LEKR1: variants seen among roughly 807,000 people sequenced by gnomAD.
LEKR1 encodes the protein protein LEKR1.
Under a neutral mutation model 72.4 loss-of-function variants are expected in LEKR1, and 59 were observed. That is an observed-to-expected ratio of 0.82 (90% CI 0.66 to 1.01). The LOEUF is 1.01. Among genes scored for constraint, LEKR1 ranks in the 50% least tolerant of loss-of-function variants. The pLI is 0.00. For synonymous variants in LEKR1, 257 were observed against 263.2 expected (o/e 0.98, Z 0.23); for missense variants, 728 against 759.2 (o/e 0.96, Z 0.48).
At chr3:156,839,210 T>C (rs985589426) in intron 2 of LEKR1, among the ~76,000 whole-genome samples, 5 of 152,240 alleles carry the variant, frequency 3.3e-5, no homozygotes, top group African/African-American at 1.2e-4. Context: ...GGTGTTAGTC[T>C]TTTGGTTGTA....
At chr3:156,899,316 G>GTATATA (rs200330349) in intron 3 of LEKR1, among the ~76,000 whole-genome samples, 1 of 124,882 alleles carries the variant, frequency 8.0e-6, no homozygotes, top group African/African-American at 3.0e-5. Flanking sequence ...ATACACACAT[G>GTATATA]TATATATACA....
At chr3:157,012,820 C>T (rs1173941823) in intron 10 of LEKR1, among the ~76,000 whole-genome samples, 1 of 152,086 alleles carries the variant, frequency 6.6e-6, no homozygotes, top group Non-Finnish European at 1.5e-5. Context: ...CAGCTTCTTT[C>T]ATTCTTTCTC....
chr3:156,936,848 G>A (rs139184274), intron 5 of LEKR1, among the ~76,000 whole-genome samples: 11 of 152,176 alleles, frequency 7.2e-5, no homozygotes, highest in African/African-American at 2.2e-4. Flanking sequence ...TGGATTAACC[G>A]CAGACTTAAA....
At chr3:156,933,396 G>C (rs1725425812) in intron 5 of LEKR1, among the ~76,000 whole-genome samples, 1 of 152,038 alleles carries the variant, frequency 6.6e-6, no homozygotes, top group South Asian at 2.1e-4. Context: ...TTTCCAAAGT[G>C]GTTGTTCCTT....
intron 6 of LEKR1, among the ~76,000 whole-genome samples, chr3:156,977,099 C>T (rs1277390297): frequency 6.6e-6 from 1 of 152,202 alleles, no homozygotes; most frequent in East Asian, 1.9e-4. Flanking sequence ...AGCATGCCTT[C>T]TTCCAGCCCA....
At chr3:156,933,026 T>C (rs529580997) in intron 5 of LEKR1, among the ~76,000 whole-genome samples, 2 of 152,150 alleles carry the variant, frequency 1.3e-5, no homozygotes, top group South Asian at 4.2e-4. Context: ...TGAGACTCCG[T>C]CTCAAACAAA....
chr3:156,873,616 T>C (rs1391579011), intron 3 of LEKR1, among the ~76,000 whole-genome samples: 2 of 152,028 alleles, frequency 1.3e-5, no homozygotes, highest in African/African-American at 2.4e-5. Context: ...GTTTTCATGG[T>C]GGTATTTATT....
chr3:156,923,358 C>G (rs1252651835), intron 4 of LEKR1, among the ~76,000 whole-genome samples: 2 of 152,170 alleles, frequency 1.3e-5, no homozygotes, highest in Non-Finnish European at 2.9e-5. Context: ...CTTCAGCTCA[C>G]CAGGCAACTA....
At chr3:156,850,235 TATAAG>T (rs1715186961) in intron 2 of LEKR1, among the ~76,000 whole-genome samples, 1 of 151,316 alleles carries the variant, frequency 6.6e-6, no homozygotes, top group South Asian at 2.1e-4. Context: ...TCTAAGATAA[TATAAG>T]ATATATATTT....
chr3:156,994,597 C>T (rs904360527), intron 9 of LEKR1, among the ~76,000 whole-genome samples: 1 of 151,844 alleles, frequency 6.6e-6, no homozygotes, highest in Admixed American at 6.6e-5. Context: ...TGTATAAGAG[C>T]CAGGCTTATT....
intron 5 of LEKR1, among the ~76,000 whole-genome samples, chr3:156,934,779 G>A (rs1383951032): frequency 5.3e-5 from 8 of 152,002 alleles, no homozygotes; most frequent in Non-Finnish European, 7.4e-5. Context: ...TTTTGATATA[G>A]AGCTTTCTAA....
chr3:156,990,534 T>C (rs1407750531), intron 7 of LEKR1, among the ~76,000 whole-genome samples: 36 of 152,316 alleles, frequency 2.4e-4, no homozygotes, highest in Non-Finnish European at 1.5e-5. Flanking sequence ...ATGATGACTT[T>C]TTAAAATTCC....
In LEKR1 at chr3:156,942,553, T is replaced by G. The variant is rs1248459645; in HGVS notation, c.584T>G (p.Leu195Trp). The G allele has an allele frequency of 6.4e-6, 8 of 1,245,416 alleles. No individual in the cohort carries two copies. The highest frequency in any genetic ancestry group is 8.3e-6 in the Non-Finnish European group (8 of 959,112). 77.1% of individuals were successfully genotyped at this position (1,245,416 alleles called of 1,614,324 possible). Reference sequence around the variant, plus strand: ...GAAATAGACATACTGAATAAAAGTTTGACAGTATCCCAGAGAAATAAAGTA... The same window carrying G: ...GAAATAGACATACTGAATAAAAGTTGGACAGTATCCCAGAGAAATAAAGTA... ...LTEIDILNKS[L>W]TVSQRNKVCL... The change falls in exon 6 of 13, where the codon TTG becomes TGG. Residue 195 changes from leucine to tryptophan, a missense_variant. Coordinates refer to ENST00000356539, the MANE Select transcript of LEKR1 (RefSeq NM_001004316.3).
intron 3 of LEKR1, among the ~76,000 whole-genome samples, chr3:156,899,759 T>C (rs1052051607): frequency 3.1e-5 from 4 of 130,288 alleles, no homozygotes; most frequent in African/African-American, 1.1e-4. Flanking sequence ...TATATACACA[T>C]ATACATGCAT....
chr3:157,035,786 C>T (rs1734927941), intron 12 of LEKR1, among the ~76,000 whole-genome samples: 1 of 152,136 alleles, frequency 6.6e-6, no homozygotes, highest in Non-Finnish European at 1.5e-5. Context: ...GTAATCCCAG[C>T]TACTTGGGAG....
At chr3:156,923,883 A>G (rs990592307) in intron 4 of LEKR1, among the ~76,000 whole-genome samples, 4 of 152,098 alleles carry the variant, frequency 2.6e-5, no homozygotes, top group Non-Finnish European at 4.4e-5. Flanking sequence ...GCCCGCCGCC[A>G]TGCCTGGCTA....
intron 8 of LEKR1, 32 bp from the exon 9 acceptor site, chr3:156,993,042 T>C (rs767265863): frequency 1.7e-6 from 2 of 1,165,970 alleles, no homozygotes; most frequent in East Asian, 2.3e-5. Flanking sequence ...ATATAATGTA[T>C]GTTGGTGGGT....
intron 12 of LEKR1, among the ~76,000 whole-genome samples, chr3:157,031,557 GGAA>G (rs1207477680): frequency 1.3e-5 from 2 of 152,050 alleles, no homozygotes; most frequent in Non-Finnish European, 2.9e-5. Context: ...TATAAAAATA[GGAA>G]ATGAGCCAAT....
chr3:156,968,153 A>G (rs1214330115), intron 6 of LEKR1, among the ~76,000 whole-genome samples: 1 of 152,202 alleles, frequency 6.6e-6, no homozygotes, highest in Non-Finnish European at 1.5e-5. Context: ...AACAACCAGT[A>G]CCAGCCGCTG....
Sources: gnomAD v4.1 joint callset for allele counts (sites outside exome capture counted in the v4.1 genomes callset) on GRCh38, gnomAD v4.1.1 for gene constraint, MANE v1.5 for transcripts, NCBI Gene and HGNC (gene_info 2026-07-23, HGNC 2026-07-21) for gene names.